The following NEGR1 variants were observed in gnomAD, a reference collection of about 807,000 sequenced individuals.
NEGR1 encodes IgLON family member 4.
In NEGR1, 10 loss-of-function variants were observed where a neutral mutation model predicts 40.9. The observed-to-expected ratio is 0.24, with a 90% CI of 0.15 to 0.42. The LOEUF (loss-of-function observed/expected upper bound fraction) is 0.42. Ranked by LOEUF, NEGR1 falls within the 10% of genes least tolerant of loss-of-function variation. NEGR1 has a pLI of 1.00. For synonymous variants in NEGR1, 185 were observed against 166.8 expected (o/e 1.11, Z -0.84); for missense variants, 352 against 438.9 (o/e 0.80, Z 1.77).
chr1:71,629,755 T>G (rs1650910781), intron 4 of NEGR1, among the ~76,000 whole-genome samples: 1 of 151,966 alleles, frequency 6.6e-6, no homozygotes, highest in Admixed American at 6.6e-5. Context: ...TAAGCAAATT[T>G]GACAATGTCT....
intron 6 of NEGR1, among the ~76,000 whole-genome samples, chr1:71,589,555 A>C (rs538814691): frequency 2.0e-5 from 3 of 152,186 alleles, no homozygotes; most frequent in African/African-American, 4.8e-5. Context: ...CTCCTTTTAA[A>C]ATCTAAAAAC....
intron 1 of NEGR1, among the ~76,000 whole-genome samples, chr1:72,200,591 A>T (rs1653169523): frequency 6.6e-6 from 1 of 151,922 alleles, no homozygotes; most frequent in Non-Finnish European, 1.5e-5. Context: ...AGCCTCAGGG[A>T]TATGAAATGT....
At chr1:72,276,684 A>C (rs193098051) in intron 1 of NEGR1, among the ~76,000 whole-genome samples, 19 of 152,248 alleles carry the variant, frequency 1.2e-4, no homozygotes, top group Admixed American at 1.0e-3. Flanking sequence ...TCCTTAAAAA[A>C]CTATTACATC....
chr1:71,533,447 A>G (rs572944584), intron 6 of NEGR1, among the ~76,000 whole-genome samples: 31 of 151,794 alleles, frequency 2.0e-4, no homozygotes, highest in African/African-American at 6.0e-4. Context: ...TAGAGGACCA[A>G]TTATATCTGC....
chr1:71,895,873 C>A (rs1003222783), intron 2 of NEGR1, among the ~76,000 whole-genome samples: 1 of 152,070 alleles, frequency 6.6e-6, no homozygotes, highest in Non-Finnish European at 1.5e-5. Flanking sequence ...GCCACATTTT[C>A]TTTCACAAGA....
chr1:71,552,787 C>T (rs572269212), intron 6 of NEGR1, among the ~76,000 whole-genome samples: 4 of 151,326 alleles, frequency 2.6e-5, no homozygotes, highest in South Asian at 4.2e-4. Context: ...TAACTACTGC[C>T]CAACTCTGTT....
chr1:71,442,226 CTTTTTT>C (rs35594326), intron 6 of NEGR1, among the ~76,000 whole-genome samples: 12 of 84,974 alleles, frequency 1.4e-4, no homozygotes, highest in African/African-American at 5.4e-4. Context: ...GGTAGCATTC[CTTTTTT>C]TTTTTTTTTT....
At position 71,407,139 on chromosome 1, in the gene NEGR1, T is replaced by C; in HGVS notation, c.*307A>G. On this transcript the variant is annotated 3_prime_UTR_variant, in exon 7 of 7. Transcript: ENST00000357731. Reference sequence around the variant, plus strand: ...CTACAGCCTGCAACCTAGCAGACCATGACTGAATGCTTTTGAAAAGTTGTA... The same window carrying C: ...CTACAGCCTGCAACCTAGCAGACCACGACTGAATGCTTTTGAAAAGTTGTA... The C allele has an allele frequency of 5.0e-6, 1 of 200,490 alleles. No homozygotes were observed. The highest frequency in any genetic ancestry group is 1.2e-4 in the South Asian group (1 of 8,072). 12.4% of individuals were successfully genotyped at this position (200,490 alleles called of 1,614,324 possible). A position where few individuals can be genotyped will look rare whatever the true frequency, so the allele number is the denominator to read the frequency against.
chr1:71,527,430 TC>T (rs1647231261), intron 6 of NEGR1, among the ~76,000 whole-genome samples: 1 of 150,990 alleles, frequency 6.6e-6, no homozygotes, highest in African/African-American at 2.4e-5. Context: ...CATCCATCCA[TC>T]CATCCATCCA....
intron 1 of NEGR1, among the ~76,000 whole-genome samples, chr1:72,086,804 T>A (rs189829349): frequency 3.6e-3 from 548 of 152,270 alleles, no homozygotes; most frequent in African/African-American, 0.012. Flanking sequence ...AAAAATTATA[T>A]TTTTTACTTT....
intron 1 of NEGR1, among the ~76,000 whole-genome samples, chr1:72,087,271 C>T (rs932500656): frequency 6.6e-6 from 1 of 151,778 alleles, no homozygotes. Flanking sequence ...ACAACAATAA[C>T]AACAACACAA....
At chr1:72,199,896 T>C (rs756018922) in intron 1 of NEGR1, among the ~76,000 whole-genome samples, 1 of 151,702 alleles carries the variant, frequency 6.6e-6, no homozygotes, top group Non-Finnish European at 1.5e-5. Context: ...CAGAAACACA[T>C]ACATGGAGCC....
chr1:71,998,179 C>G (rs868855975), intron 1 of NEGR1, among the ~76,000 whole-genome samples: 1 of 151,692 alleles, frequency 6.6e-6, no homozygotes, highest in Non-Finnish European at 1.5e-5. Context: ...TTCTGTGAAC[C>G]CAACTGTTAA....
intron 2 of NEGR1, among the ~76,000 whole-genome samples, chr1:71,917,672 G>A (rs1409714262): frequency 2.6e-5 from 4 of 151,286 alleles, no homozygotes; most frequent in Admixed American, 6.6e-5. Context: ...CCAGCTACTC[G>A]GAGAGGCTGA....
chr1:71,767,050 G>C (rs973272575), intron 3 of NEGR1, among the ~76,000 whole-genome samples: 2 of 152,242 alleles, frequency 1.3e-5, no homozygotes, highest in South Asian at 4.1e-4. Context: ...ATGCAGTCTC[G>C]GGTATTTCTT....
intron 1 of NEGR1, among the ~76,000 whole-genome samples, chr1:72,216,681 T>C (rs1397192399): frequency 4.6e-5 from 7 of 150,910 alleles, no homozygotes; most frequent in Non-Finnish European, 1.0e-4. Flanking sequence ...TATTCTTTGA[T>C]CACTATGCCA....
chr1:71,747,389 C>T (rs1369447702), intron 3 of NEGR1, among the ~76,000 whole-genome samples: 1 of 151,324 alleles, frequency 6.6e-6, no homozygotes, highest in Non-Finnish European at 1.5e-5. Flanking sequence ...AGTCTTTCTT[C>T]TGAGTGAAAA....
chr1:72,226,087 A>G (rs746715551), intron 1 of NEGR1, among the ~76,000 whole-genome samples: 1 of 151,888 alleles, frequency 6.6e-6, no homozygotes, highest in Non-Finnish European at 1.5e-5. Context: ...TTAGGGTGGA[A>G]GTGAAATAAT....
rs888112897 is a variant in NEGR1 at position 71,858,267 on chromosome 1, A to G, written c.409+76812T>C. Among the ~76,000 whole-genome samples, 6 of 151,982 alleles carry G rather than the reference A, an allele frequency of 3.9e-5. No individual in the cohort carries two copies. In the South Asian group the frequency reaches 1.2e-3, roughly 31 times the overall value. On this transcript the variant is annotated intron_variant, in intron 2 of 6. Transcript: ENST00000357731. Reference sequence around the variant, plus strand: ...TGTTCTCATTTTTGTTCTTCTTTTTAAACATTCCTTTCTAAAACTCAGATC... The same window carrying G: ...TGTTCTCATTTTTGTTCTTCTTTTTGAACATTCCTTTCTAAAACTCAGATC...
Sources: gnomAD v4.1 joint callset for allele counts (sites outside exome capture counted in the v4.1 genomes callset) on GRCh38, gnomAD v4.1.1 for gene constraint, MANE v1.5 for transcripts, NCBI Gene and HGNC (gene_info 2026-07-23, HGNC 2026-07-21) for gene names.